Variants in CALN1 observed in about 807,000 individuals in gnomAD.
The protein encoded by CALN1 is calcium-binding protein 8.
CALN1 carries 17 observed loss-of-function variants against 30.6 expected under a neutral mutation model. The observed-to-expected ratio is 0.56, with a 90% confidence interval of 0.38 to 0.83. The LOEUF (loss-of-function observed/expected upper bound fraction) is 0.83. CALN1 is among the 40% of genes least tolerant of loss of function. The pLI is 0.00. For missense variants in CALN1, 291 were observed against 354.9 expected (o/e 0.82, Z 1.45); for synonymous variants, 156 against 131.4 (o/e 1.19, Z -1.28).
At chr7:71,956,899 GT>G (rs1796988193) in intron 5 of CALN1, among the ~76,000 whole-genome samples, 1 of 151,676 alleles carries the variant, frequency 6.6e-6, no homozygotes, top group Non-Finnish European at 1.5e-5. Context: ...GTTTCACCAT[GT>G]TGGCCAGTCT....
At chr7:72,026,646 G>A (rs1801078172) in intron 4 of CALN1, among the ~76,000 whole-genome samples, 1 of 151,900 alleles carries the variant, frequency 6.6e-6, no homozygotes, top group Admixed American at 6.6e-5. Context: ...GATCTCCTGG[G>A]CTCAAGTGAT....
chr7:72,396,741 G>C (rs192546742), intron 2 of CALN1, among the ~76,000 whole-genome samples: 261 of 152,144 alleles, frequency 1.7e-3, no homozygotes, highest in African/African-American at 5.7e-3. Flanking sequence ...TGAGGGAGAA[G>C]GTGACACCAT....
intron 3 of CALN1, among the ~76,000 whole-genome samples, chr7:72,201,737 TAAAAAAAAAA>T (rs778266725): frequency 1.7e-5 from 2 of 117,882 alleles, no homozygotes; most frequent in Admixed American, 8.6e-5. Flanking sequence ...TGAATCTGAT[TAAAAAAAAAA>T]AAAAAAAAAG....
rs1414754182 is a variant in CALN1 at position 71,861,795 on chromosome 7, A to AT, written c.502-51304_502-51303insA. 4.5e-3 allele frequency among the ~76,000 whole-genome samples: 677 copies of AT among 149,960 alleles called. 9 individuals are homozygous for AT. Among genetic ancestry groups the AT allele is most frequent in the African/African-American group, 0.016 (654 of 41,084 alleles). On this transcript the variant is annotated intron_variant, in intron 5 of 6. Transcript: ENST00000395275. ...CTCTATCCAAAAAAAAAAAAAAAAA[A>AT]AAAAAGAGAGAGAGAGTAATGTCCA...
In CALN1 at chr7:71,891,953, T is replaced by TA. The variant is rs1427050183; in HGVS notation, c.502-81462dup. 4.9e-4 allele frequency among the ~76,000 whole-genome samples: 61 copies of TA among 124,812 alleles called. 1 individual carries two copies. The highest frequency in any genetic ancestry group is 2.2e-3 in the African/African-American group (61 of 28,288). The allele number at this position is 124,812 out of a possible 152,430, so 81.9% of individuals were successfully genotyped here. A position where few individuals can be genotyped will look rare whatever the true frequency, so the allele number is the denominator to read the frequency against. On this transcript the variant is annotated intron_variant, in intron 5 of 6. Transcript: ENST00000395275. The stretch of plus-strand genomic sequence containing the variant: ...AGTGAGACTCCGTCTCAAAAATAAA[T>TA]AAATAAAAAAAAAAATAACAAGTGC...
At chr7:71,905,382 G>GTTT (rs57155520) in intron 5 of CALN1, among the ~76,000 whole-genome samples, 5 of 145,388 alleles carry the variant, frequency 3.4e-5, no homozygotes, top group Non-Finnish European at 3.0e-5. Context: ...CTAATGTGTA[G>GTTT]TTTTTTTTTT....
chr7:71,851,811 CACAA>C (rs908834359), intron 5 of CALN1, among the ~76,000 whole-genome samples: 54 of 152,138 alleles, frequency 3.5e-4, no homozygotes, highest in African/African-American at 1.0e-3. Flanking sequence ...CAGAAAAGTG[CACAA>C]ACAAACAAAT....
intron 2 of CALN1, among the ~76,000 whole-genome samples, chr7:72,398,658 G>C (rs761903862): frequency 2.6e-5 from 4 of 152,152 alleles, no homozygotes; most frequent in Non-Finnish European, 4.4e-5. Flanking sequence ...GTTCCAAAGA[G>C]CTCCCAATCT....
chr7:72,418,346 T>C (rs1251850486), intron 1 of CALN1, among the ~76,000 whole-genome samples: 2 of 152,206 alleles, frequency 1.3e-5, no homozygotes, highest in Non-Finnish European at 2.9e-5. Context: ...ATGGACCACA[T>C]TTTCTTTATC....
chr7:71,826,116 T>C (rs1481564338), intron 5 of CALN1, among the ~76,000 whole-genome samples: 7 of 151,120 alleles, frequency 4.6e-5, no homozygotes, highest in African/African-American at 1.2e-4. Context: ...ATAAATCCAT[T>C]TGGACTCCTG....
intron 5 of CALN1, among the ~76,000 whole-genome samples, chr7:71,889,273 C>T (rs1454300050): frequency 6.6e-6 from 1 of 152,188 alleles, no homozygotes; most frequent in East Asian, 1.9e-4. Flanking sequence ...CTTCTTCCTG[C>T]GTCCTCATGT....
At chr7:72,312,128 G>A (rs1800093230) in intron 2 of CALN1, among the ~76,000 whole-genome samples, 1 of 152,108 alleles carries the variant, frequency 6.6e-6, no homozygotes, top group South Asian at 2.1e-4. Context: ...CCCAGGCTGG[G>A]CGCAGTGGCT....
At chr7:71,855,135 C>T (rs981423685) in intron 5 of CALN1, among the ~76,000 whole-genome samples, 1 of 152,172 alleles carries the variant, frequency 6.6e-6, no homozygotes, top group Non-Finnish European at 1.5e-5. Context: ...GAATTGTATG[C>T]ATCAATGCAT....
chr7:71,872,043 T>C (rs1364081457), intron 5 of CALN1, among the ~76,000 whole-genome samples: 1 of 152,236 alleles, frequency 6.6e-6, no homozygotes, highest in Non-Finnish European at 1.5e-5. Context: ...TAACTTTTAA[T>C]GTTATTTAGT....
At chr7:72,335,373 A>C (rs910878589) in intron 2 of CALN1, among the ~76,000 whole-genome samples, 1 of 152,220 alleles carries the variant, frequency 6.6e-6, no homozygotes, top group Non-Finnish European at 1.5e-5. Context: ...TGAAAATGCT[A>C]GGAGCTCATG....
At chr7:72,487,939 AAGG>A in the CALN1 span, among the ~76,000 whole-genome samples, 2 of 82,190 alleles carry the variant, frequency 2.4e-5, no homozygotes, top group African/African-American at 1.1e-4. Flanking sequence ...GGAAGGAAGG[AAGG>A]AAGGAAGGAA....
At chr7:71,990,975 A>C (rs945310337) in intron 5 of CALN1, among the ~76,000 whole-genome samples, 3 of 151,832 alleles carry the variant, frequency 2.0e-5, no homozygotes, top group African/African-American at 7.3e-5. Flanking sequence ...AATCTCTCTA[A>C]ATCAGGAGTA....
chr7:71,799,762 C>T (rs531435441), intron 6 of CALN1, among the ~76,000 whole-genome samples: 3 of 152,286 alleles, frequency 2.0e-5, no homozygotes, highest in South Asian at 4.1e-4. Flanking sequence ...AGGCATGAGC[C>T]GCCGCGCCCA....
intron 5 of CALN1, among the ~76,000 whole-genome samples, chr7:71,956,947 C>CTA (rs1303606526): frequency 6.6e-6 from 1 of 152,126 alleles, no homozygotes; most frequent in Non-Finnish European, 1.5e-5. Flanking sequence ...ATCCACCCAC[C>CTA]TTGGCCTCCC....
Sources: allele counts gnomAD v4.1 joint callset (sites outside exome capture counted in the v4.1 genomes callset), GRCh38; gene constraint gnomAD v4.1.1; transcripts MANE v1.5; gene names NCBI Gene and HGNC (gene_info 2026-07-23, HGNC 2026-07-21).